MAGI2: variants seen among roughly 807,000 people sequenced by gnomAD.
The protein encoded by MAGI2 is membrane-associated guanylate kinase, WW and PDZ domain-containing protein 2.
In MAGI2, 35 loss-of-function variants were observed where a neutral mutation model predicts 133.3. That is an observed-to-expected ratio of 0.26 (90% CI 0.20 to 0.35). The LOEUF is 0.35. Ranked by LOEUF, MAGI2 falls within the 10% of genes least tolerant of loss-of-function variation. The pLI is 1.00. For missense variants in MAGI2, 1,636 were observed against 1,863.4 expected, an observed-to-expected ratio of 0.88 and a Z score of 2.25; for synonymous variants, 729 against 710.6, an observed-to-expected ratio of 1.03 and a Z score of -0.41.
At chr7:79,152,076 T>C (rs1203818809) in intron 1 of MAGI2, among the ~76,000 whole-genome samples, 1 of 152,094 alleles carries the variant, frequency 6.6e-6, no homozygotes, top group Non-Finnish European at 1.5e-5. Context: ...ATGTAAATAA[T>C]GGAAATAATG....
intron 2 of MAGI2, among the ~76,000 whole-genome samples, chr7:78,794,799 G>A (rs1335713485): frequency 6.6e-6 from 1 of 152,116 alleles, no homozygotes; most frequent in Admixed American, 6.5e-5. Flanking sequence ...GAAACTATTG[G>A]AAATGAGGAG....
At chr7:78,803,312 G>T (rs920525900) in intron 2 of MAGI2, among the ~76,000 whole-genome samples, 3 of 151,864 alleles carry the variant, frequency 2.0e-5, no homozygotes, top group Non-Finnish European at 1.5e-5. Flanking sequence ...GCATAATTAC[G>T]GAAGAAAAAA....
At chr7:78,833,731 G>A (rs1484095291) in intron 2 of MAGI2, among the ~76,000 whole-genome samples, 2 of 152,110 alleles carry the variant, frequency 1.3e-5, no homozygotes, top group South Asian at 2.1e-4. Context: ...CAGAAGCAGC[G>A]CTGAAGCACC....
intron 21 of MAGI2, among the ~76,000 whole-genome samples, chr7:78,073,811 T>C (rs1031692942): frequency 3.3e-5 from 5 of 152,236 alleles, no homozygotes; most frequent in African/African-American, 1.2e-4. Flanking sequence ...CTTCCTTTTC[T>C]CTTAACCTTT....
chr7:79,403,141 C>A (rs2129164627), intron 1 of MAGI2, among the ~76,000 whole-genome samples: 1 of 152,202 alleles, frequency 6.6e-6, no homozygotes, highest in East Asian at 1.9e-4. Flanking sequence ...CTAGTTCTAT[C>A]CAATGTATAA....
intron 1 of MAGI2, among the ~76,000 whole-genome samples, chr7:79,096,176 G>A (rs1053507097): frequency 6.6e-5 from 10 of 152,058 alleles, no homozygotes; most frequent in East Asian, 1.9e-4. Context: ...TGGGATTCTC[G>A]TGTCCTGTAG....
chr7:79,360,164 T>C (rs1036057482), intron 1 of MAGI2, among the ~76,000 whole-genome samples: 2 of 152,184 alleles, frequency 1.3e-5, no homozygotes, highest in Non-Finnish European at 2.9e-5. Context: ...AGAATCACTA[T>C]ATTTTGTAAG....
At chr7:79,053,521 G>GA (rs951618612) in intron 1 of MAGI2, among the ~76,000 whole-genome samples, 28 of 149,614 alleles carry the variant, frequency 1.9e-4, no homozygotes, top group African/African-American at 5.9e-4. Flanking sequence ...CATTTAAAGT[G>GA]AAAAAAAAAC....
chr7:79,327,365 A>G (rs574392777), intron 1 of MAGI2, among the ~76,000 whole-genome samples: 191 of 152,274 alleles, frequency 1.3e-3, no homozygotes, highest in Non-Finnish European at 1.9e-3. Flanking sequence ...AGAAATGCTT[A>G]TAGACAGAGT....
chr7:78,875,335 G>A (rs1200764141), intron 2 of MAGI2, among the ~76,000 whole-genome samples: 3 of 152,060 alleles, frequency 2.0e-5, no homozygotes, highest in Non-Finnish European at 4.4e-5. Context: ...GCTCAGGGGT[G>A]GAAAAGCAAC....
intron 2 of MAGI2, among the ~76,000 whole-genome samples, chr7:78,989,279 C>CTTGA (rs1449143879): frequency 8.6e-5 from 13 of 151,994 alleles, no homozygotes; most frequent in Non-Finnish European, 1.8e-4. Context: ...GATTAACCAC[C>CTTGA]CGTCATACTT....
Position 79,306,208 on chromosome 7 carries a change from T to C in MAGI2, c.301+146812A>G, listed in dbSNP as rs1236901131. ...ATACACATATATATATACATGTATA[T>C]ATATATGTGTATATATATTTTATTT... On this transcript the variant is annotated intron_variant, in intron 1 of 21. Coordinates refer to ENST00000354212, the MANE Select transcript of MAGI2 (RefSeq NM_012301.4). 2.7e-5 allele frequency among the ~76,000 whole-genome samples: 4 copies of C among 146,596 alleles called. No homozygotes were observed. In the East Asian group the frequency reaches 7.9e-4, roughly 29 times the overall value.
In MAGI2 at chr7:79,027,430, C is replaced by T. The variant is rs149362309; in HGVS notation, c.302-20224G>A. Reference sequence around the variant, plus strand: ...ACATGGATGGGATTGGAGAACATTACGCTAAGTGGAATAAGCTAGGCACAG... The same window carrying T: ...ACATGGATGGGATTGGAGAACATTATGCTAAGTGGAATAAGCTAGGCACAG... On this transcript the variant is annotated intron_variant, in intron 1 of 21. Transcript: ENST00000354212. Among the ~76,000 whole-genome samples the T allele has an allele frequency of 9.2e-5, 14 of 151,950 alleles. No individual in the cohort carries two copies. In the East Asian group the frequency reaches 2.3e-3, roughly 25 times the overall value.
intron 10 of MAGI2, among the ~76,000 whole-genome samples, chr7:78,236,213 A>G (rs1386274668): frequency 6.6e-6 from 1 of 152,162 alleles, no homozygotes; most frequent in Non-Finnish European, 1.5e-5. Flanking sequence ...CACCTGGCAC[A>G]TTTATGGAAT....
intron 20 of MAGI2, among the ~76,000 whole-genome samples, chr7:78,119,814 T>A (rs976710640): frequency 2.5e-4 from 38 of 152,106 alleles, no homozygotes; most frequent in African/African-American, 8.4e-4. Context: ...AAAAGAAGAC[T>A]GGGTTAAAAA....
At chr7:79,100,036 TTC>T (rs1444801645) in intron 1 of MAGI2, among the ~76,000 whole-genome samples, 17 of 152,214 alleles carry the variant, frequency 1.1e-4, no homozygotes, top group African/African-American at 2.4e-5. Context: ...TGTGCTGTTT[TTC>T]TCTGTTTTGT....
At chr7:79,168,549 C>T (rs750998016) in intron 1 of MAGI2, among the ~76,000 whole-genome samples, 1 of 152,000 alleles carries the variant, frequency 6.6e-6, no homozygotes, top group Non-Finnish European at 1.5e-5. Context: ...TCAGACAGTG[C>T]ATTTTGTTGT....
chr7:79,338,779 A>G (rs1585626347), intron 1 of MAGI2, among the ~76,000 whole-genome samples: 1 of 152,054 alleles, frequency 6.6e-6, no homozygotes, highest in Non-Finnish European at 1.5e-5. Flanking sequence ...TCCCCTAAAT[A>G]CCAATGTCAG....
At chr7:79,254,133 G>C (rs1833519715) in intron 1 of MAGI2, among the ~76,000 whole-genome samples, 1 of 152,004 alleles carries the variant, frequency 6.6e-6, no homozygotes, top group Non-Finnish European at 1.5e-5. Context: ...ATGTGAGTGA[G>C]GCTGAGCAAT....
Sources: gnomAD v4.1 joint callset for allele counts (sites outside exome capture counted in the v4.1 genomes callset) on GRCh38, gnomAD v4.1.1 for gene constraint, MANE v1.5 for transcripts, NCBI Gene and HGNC (gene_info 2026-07-23, HGNC 2026-07-21) for gene names.